Variants in EDA observed in about 807,000 individuals in gnomAD.
EDA encodes the protein ectodysplasin-A.
A neutral mutation model predicts 23.6 loss-of-function variants in EDA; 2 were observed. The ratio of observed to expected loss-of-function variants is 0.08; its 90% confidence interval spans 0.03 to 0.27. The LOEUF is 0.27. Among genes scored for constraint, EDA ranks in the 10% least tolerant of loss-of-function variants. EDA has a pLI of 1.00. For missense variants in EDA, 229 were observed against 324.2 expected (o/e 0.71, Z 2.26); for synonymous variants, 131 against 132.0 (o/e 0.99, Z 0.05).
chrX:69,909,048 A>G (rs1438149186), intron 1 of EDA, among the ~76,000 whole-genome samples: 1 of 111,097 alleles, frequency 9.0e-6, no homozygotes, highest in Non-Finnish European at 1.9e-5. Flanking sequence ...CTTGTTAACA[A>G]CTGTGTCCAT....
intron 2 of EDA, among the ~76,000 whole-genome samples, chrX:70,004,396 T>G (rs1325920753): frequency 8.9e-6 from 1 of 111,776 alleles, no homozygotes; most frequent in Non-Finnish European, 1.9e-5. Flanking sequence ...AACCCCTACC[T>G]TTTCTTGCCT....
At chrX:69,717,985 C>T (rs146483292) in intron 1 of EDA, among the ~76,000 whole-genome samples, 1,652 of 111,795 alleles carry the variant, frequency 0.015, 10 homozygotes, top group Middle Eastern at 0.033. Flanking sequence ...CTCTCTTCCT[C>T]GTGTTCTGGC....
chrX:70,022,152 G>A (rs1265648591), intron 2 of EDA, among the ~76,000 whole-genome samples: 1 of 109,668 alleles, frequency 9.1e-6, no homozygotes, highest in South Asian at 4.0e-4. Flanking sequence ...ATGACTGTCT[G>A]GGAGCGACCT....
intron 1 of EDA, among the ~76,000 whole-genome samples, chrX:69,865,601 C>G (rs1410602463): frequency 1.8e-5 from 2 of 111,838 alleles, no homozygotes; most frequent in Non-Finnish European, 3.8e-5. Context: ...AATTGTTAAT[C>G]TCTTTTGGCA....
chrX:69,805,175 A>G (rs1327920616), intron 1 of EDA, among the ~76,000 whole-genome samples: 1 of 111,329 alleles, frequency 9.0e-6, no homozygotes, highest in Non-Finnish European at 1.9e-5. Flanking sequence ...ATCAAATAGA[A>G]CTACAAGAAA....
rs775174011 is a variant in EDA, at chrX:69,975,834, T to C, written c.502+18702T>C. 2.7e-3 allele frequency among the ~76,000 whole-genome samples: 299 copies of C among 111,663 alleles called. 1 individual carries two copies. The highest frequency in any genetic ancestry group is 2.5e-3 in the Non-Finnish European group (132 of 53,045). On this transcript the variant is annotated intron_variant, in intron 2 of 7. Transcript: ENST00000374552. Reference sequence around the variant, plus strand: ...GGTTTATTGGGTTACATAAAAAAAATCTATTAAAAATTAATTTCACCTGAT... The same window carrying C: ...GGTTTATTGGGTTACATAAAAAAAACCTATTAAAAATTAATTTCACCTGAT...
Position 69,616,331 on chromosome X carries a change from G to A in EDA, c.23G>A (p.Arg8His), listed in dbSNP as rs765962978. The part of the protein sequence containing the change: MGYPEVE[R>H]RELLPAAAPR... The stretch of plus-strand genomic sequence containing the variant: ...GCCATGGGCTACCCGGAGGTGGAGC[G>A]CAGGGAACTCCTGCCTGCAGCAGCG... Residue 8 changes from arginine to histidine, a missense_variant, in exon 1 of 8, where the codon CGC (arginine) becomes CAC (histidine). Coordinates refer to ENST00000374552, the MANE Select transcript of EDA (RefSeq NM_001399.5). 5 of 1,199,660 alleles carry A rather than the reference G, an allele frequency of 4.2e-6. No individual in the cohort carries two copies. Among genetic ancestry groups the A allele is most frequent in the East Asian group, 3.0e-5 (1 of 33,609 alleles).
intron 1 of EDA, among the ~76,000 whole-genome samples, chrX:69,785,914 A>G (rs2015148837): frequency 9.1e-6 from 1 of 110,284 alleles, no homozygotes; most frequent in African/African-American, 3.3e-5. Context: ...CTGTGAATCC[A>G]TCTGGTCCTG....
chrX:69,833,957 C>T (rs1225955583), intron 1 of EDA, among the ~76,000 whole-genome samples: 2 of 85,122 alleles, frequency 2.3e-5, no homozygotes, highest in African/African-American at 8.8e-5. Context: ...CCCCCCTCCC[C>T]CTACCCCACG....
In EDA at chrX:70,037,554, A is replaced by C. The variant is rs1442839407; in HGVS notation, c.*1945A>C. 9.0e-6 allele frequency: 1 copy of C among 111,641 alleles called. No individual in the cohort carries two copies. Among genetic ancestry groups the C allele is most frequent in the Non-Finnish European group, 1.9e-5 (1 of 53,071 alleles). 9.2% of individuals were successfully genotyped at this position (111,641 alleles called of 1,213,427 possible). A position where few individuals can be genotyped will look rare whatever the true frequency, so the allele number is the denominator to read the frequency against. Reference sequence around the variant, plus strand: ...TTTAGATGAGGCTCAGAGAGGTAGCACTCTCAGAGTGTTTTGACCAGTTTA... The same window carrying C: ...TTTAGATGAGGCTCAGAGAGGTAGCCCTCTCAGAGTGTTTTGACCAGTTTA... On this transcript the variant is annotated 3_prime_UTR_variant, in exon 8 of 8. Transcript: ENST00000374552.
chrX:69,756,804 T>A (rs189892249), intron 1 of EDA: 82 of 111,966 alleles, frequency 7.3e-4, no homozygotes, highest in African/African-American at 2.5e-3. Flanking sequence ...ACCAGCAAAC[T>A]TTTTTTCTGT....
chrX:69,907,428 G>A (rs375011624), intron 1 of EDA, among the ~76,000 whole-genome samples: 6 of 111,017 alleles, frequency 5.4e-5, no homozygotes, highest in African/African-American at 2.0e-4. Flanking sequence ...CCACCCAAAG[G>A]GCCATTCTCC....
chrX:69,711,682 G>A (rs1398812965), intron 1 of EDA, among the ~76,000 whole-genome samples: 3 of 111,478 alleles, frequency 2.7e-5, no homozygotes, highest in Non-Finnish European at 5.7e-5. Context: ...CCTGTTATTG[G>A]TCTATTCAGA....
chrX:69,893,677 T>C (rs1349795710), intron 1 of EDA, among the ~76,000 whole-genome samples: 1 of 112,906 alleles, frequency 8.9e-6, no homozygotes, highest in Non-Finnish European at 1.9e-5. Flanking sequence ...TTTTAGCTGA[T>C]GGAAATCTTT....
At chrX:69,722,900 T>C (rs1233808678) in intron 1 of EDA, among the ~76,000 whole-genome samples, 2 of 112,418 alleles carry the variant, frequency 1.8e-5, no homozygotes, top group Admixed American at 9.4e-5. Flanking sequence ...AATGAAATAA[T>C]ATACATTAAT....
At chrX:69,741,447 C>T (rs973759317) in intron 1 of EDA, among the ~76,000 whole-genome samples, 8 of 112,039 alleles carry the variant, frequency 7.1e-5, no homozygotes, top group African/African-American at 2.3e-4. Flanking sequence ...TCTGATGTCA[C>T]CTCAGAAGGC....
At chrX:69,929,449 C>T (rs764878540) in intron 1 of EDA, among the ~76,000 whole-genome samples, 2 of 110,904 alleles carry the variant, frequency 1.8e-5, no homozygotes, top group Admixed American at 1.9e-4. Flanking sequence ...TAATTTAGGT[C>T]CTTAGGCAAA....
At chrX:69,902,159 T>C (rs1336795429) in intron 1 of EDA, among the ~76,000 whole-genome samples, 2 of 90,547 alleles carry the variant, frequency 2.2e-5, no homozygotes, top group Non-Finnish European at 4.6e-5. Flanking sequence ...AATAGAGAAC[T>C]GAGAACCCAT....
intron 2 of EDA, among the ~76,000 whole-genome samples, chrX:70,020,032 G>A (rs1039688574): frequency 3.0e-4 from 33 of 111,549 alleles, no homozygotes; most frequent in Admixed American, 6.7e-4. Flanking sequence ...CAGATTAATT[G>A]TAGATTTAAA....
Sources: gnomAD v4.1 joint callset for allele counts (sites outside exome capture counted in the v4.1 genomes callset) on GRCh38, gnomAD v4.1.1 for gene constraint, MANE v1.5 for transcripts, NCBI Gene and HGNC (gene_info 2026-07-23, HGNC 2026-07-21) for gene names.